The following EYA2 variants were observed in gnomAD, a reference collection of about 807,000 sequenced individuals.
The protein encoded by EYA2 is protein phosphatase EYA2.
EYA2 carries 31 observed loss-of-function variants against 69.2 expected under a neutral mutation model. That is an observed-to-expected ratio of 0.45 (90% CI 0.34 to 0.60). The LOEUF is 0.60. Ranked by LOEUF, EYA2 falls within the 20% of genes least tolerant of loss-of-function variation. The pLI is 0.02. For missense variants in EYA2, 622 were observed against 701.2 expected (o/e 0.89, Z 1.28); for synonymous variants, 257 against 279.4 (o/e 0.92, Z 0.80).
At chr20:47,009,288 A>G (rs1218992418) in intron 4 of EYA2, among the ~76,000 whole-genome samples, 1 of 152,248 alleles carries the variant, frequency 6.6e-6, no homozygotes, top group African/African-American at 2.4e-5. Flanking sequence ...GTGCCTGAGC[A>G]AGCTGTGTTT....
In EYA2 at chr20:46,979,081, G is replaced by A. The variant is rs1980645773; in HGVS notation, c.-10-10920G>A. Among the ~76,000 whole-genome samples the A allele has an allele frequency of 3.9e-5, 6 of 152,334 alleles. No homozygotes were observed. The South Asian group carries it at 1.2e-3, about 32-fold the overall frequency. On this transcript the variant is annotated intron_variant, in intron 1 of 15. Transcript: ENST00000327619. Reference sequence around the variant, plus strand: ...GATGCTGGGAGTGACCCTCTCCAAAGTCCCCTTAGCCGACTGGCCATCTGT... The same window carrying A: ...GATGCTGGGAGTGACCCTCTCCAAAATCCCCTTAGCCGACTGGCCATCTGT...
chr20:47,120,825 G>T (rs2033025583), intron 9 of EYA2, among the ~76,000 whole-genome samples: 1 of 152,172 alleles, frequency 6.6e-6, no homozygotes, highest in Admixed American at 6.5e-5. Flanking sequence ...TTTTTACTTG[G>T]AAATTCAGAT....
At chr20:46,899,341 A>G (rs1047459725) in intron 1 of EYA2, among the ~76,000 whole-genome samples, 1 of 152,254 alleles carries the variant, frequency 6.6e-6, no homozygotes, top group African/African-American at 2.4e-5. Flanking sequence ...GTCGTTTGAA[A>G]TGGGGAAACA....
chr20:47,112,010 G>A (rs2032759014), intron 9 of EYA2, among the ~76,000 whole-genome samples: 1 of 152,082 alleles, frequency 6.6e-6, no homozygotes, highest in African/African-American at 2.4e-5. Context: ...GCGTGGTGGT[G>A]TGCACCTGTA....
In EYA2 at chr20:46,947,018, G is replaced by T. The variant is rs183432859; in HGVS notation, c.-10-42983G>T. Among the ~76,000 whole-genome samples the T allele has an allele frequency of 4.1e-4, 63 of 152,276 alleles. 1 individual carries two copies. The highest frequency in any genetic ancestry group is 4.1e-3 in the Admixed American group (63 of 15,302). ...ACCCATTCATTCTGTGTTATCTATGGCTGCTTTCCCACTACAACAGCAGAG... is the reference window on the plus strand; with the variant it reads ...ACCCATTCATTCTGTGTTATCTATGTCTGCTTTCCCACTACAACAGCAGAG... On this transcript the variant is annotated intron_variant, in intron 1 of 15. Transcript: ENST00000327619.
At chr20:47,168,213 A>G (rs2034245386) in intron 10 of EYA2, among the ~76,000 whole-genome samples, 1 of 149,606 alleles carries the variant, frequency 6.7e-6, no homozygotes, top group Admixed American at 6.6e-5. Flanking sequence ...TTTTTTTGAG[A>G]CAGAGTCTTG....
At chr20:46,948,566 A>G (rs994876937) in intron 1 of EYA2, among the ~76,000 whole-genome samples, 2 of 152,200 alleles carry the variant, frequency 1.3e-5, no homozygotes, top group African/African-American at 4.8e-5. Flanking sequence ...TGCCCAGTAC[A>G]GGGTTAGTGC....
At chr20:47,050,426 A>G (rs183485013) in intron 5 of EYA2, among the ~76,000 whole-genome samples, 7 of 152,340 alleles carry the variant, frequency 4.6e-5, no homozygotes, top group African/African-American at 1.7e-4. Context: ...AGAAGGCTTA[A>G]AAACACCCAC....
Position 47,089,361 on chromosome 20 carries a change from G to A in EYA2, c.784G>A (p.Ala262Thr), listed in dbSNP as rs753782099. Reference protein sequence around the residue: ...RSKRSSDPSPAGDNEIERVFV... With the variant: ...RSKRSSDPSPTGDNEIERVFV... ...TAAGAGGAGCAGTGACCCGTCCCCG[G>A]CAGGGGACAATGAGATTGAGGTAAT... Residue 262 changes from alanine to threonine, a missense_variant, in exon 8 of 16, where the codon GCA becomes ACA. Around this residue, in one of 2 missense-constraint regions of EYA2, gnomAD observed 365 missense variants for 349.7 expected, o/e 1.04. Coordinates refer to ENST00000327619, the MANE Select transcript of EYA2 (RefSeq NM_005244.5). The A allele has an allele frequency of 1.2e-6, 2 of 1,613,948 alleles. No individual in the cohort carries two copies. The highest frequency in any genetic ancestry group is 1.7e-6 in the Non-Finnish European group (2 of 1,179,922).
In EYA2 at chr20:47,114,196, G is replaced by T. The variant is rs993983286; in HGVS notation, c.888+17028G>T. On this transcript the variant is annotated intron_variant, in intron 9 of 15. Coordinates refer to ENST00000327619, the MANE Select transcript of EYA2 (RefSeq NM_005244.5). ...AGGTGAATGCCCATGTCACAGATGA[G>T]AACCCTGAGGCTCACCTCGCTGAAG... Among the ~76,000 whole-genome samples, 24 of 152,234 alleles carry T rather than the reference G, an allele frequency of 1.6e-4. 1 individual carries two copies. Among genetic ancestry groups the T allele is most frequent in the Admixed American group, 6.5e-5 (1 of 15,286 alleles).
intron 9 of EYA2, among the ~76,000 whole-genome samples, chr20:47,097,983 G>A (rs184741570): frequency 9.2e-4 from 140 of 152,242 alleles, no homozygotes; most frequent in South Asian, 1.7e-3. Flanking sequence ...ACTTGCCAGC[G>A]CCTGGAAAAT....
intron 5 of EYA2, among the ~76,000 whole-genome samples, chr20:47,037,040 A>C (rs879713169): frequency 3.9e-5 from 6 of 152,198 alleles, no homozygotes; most frequent in Admixed American, 6.5e-5. Context: ...GGAAACTTAC[A>C]ATGATGGTGG....
intron 9 of EYA2, chr20:47,117,509 C>T (rs552906487): frequency 5.2e-5 from 51 of 985,412 alleles, no homozygotes; most frequent in South Asian, 1.9e-4. Flanking sequence ...CCGATTCCTC[C>T]GCGGGTGTTA....
At chr20:47,174,240 A>G (rs1270907652) in intron 12 of EYA2, among the ~76,000 whole-genome samples, 1 of 152,246 alleles carries the variant, frequency 6.6e-6, no homozygotes, top group African/African-American at 2.4e-5. Flanking sequence ...GAAAGAATAG[A>G]GTCCCGGTTC....
intron 9 of EYA2, among the ~76,000 whole-genome samples, chr20:47,099,033 A>T (rs2032348298): frequency 6.6e-6 from 1 of 152,236 alleles, no homozygotes; most frequent in African/African-American, 2.4e-5. Flanking sequence ...AATCCCAGGA[A>T]GTAGTGGGGA....
At chr20:47,072,012 C>T in intron 5 of EYA2, 173 bp from the exon 6 acceptor site, 1 of 660,592 alleles carries the variant, frequency 1.5e-6, no homozygotes, top group South Asian at 1.8e-5. Flanking sequence ...ACAAGTCTCA[C>T]CTGGGTTGCT....
intron 14 of EYA2, 62 bp downstream of exon 14, chr20:47,180,998 C>G: frequency 6.3e-7 from 1 of 1,581,670 alleles, no homozygotes; most frequent in Non-Finnish European, 8.6e-7. Context: ...GCTTTCCATC[C>G]TGGGAATGGG....
Position 46,990,041 on chromosome 20 carries a change from A to G in EYA2, c.31A>G (p.Thr11Ala), listed in dbSNP as rs753495514. ...AGAACTAGTGATCTCACCCAGCCTC[A>G]CTGTAAACAGCGATTGTCTGGATAA... MVELVISPSL[T>A]VNSDCLDKLK... Residue 11 changes from threonine to alanine, a missense_variant, in exon 2 of 16, where the codon ACT becomes GCT. This residue lies in a region of EYA2 where 365 missense variants were observed against 349.7 expected (regional missense o/e 1.04). Transcript: ENST00000327619. 3.1e-6 allele frequency: 5 copies of G among 1,610,908 alleles called. No homozygotes were observed. The highest frequency in any genetic ancestry group is 4.2e-6 in the Non-Finnish European group (5 of 1,177,094).
chr20:47,111,886 T>C (rs1173439840), intron 9 of EYA2, among the ~76,000 whole-genome samples: 1 of 152,198 alleles, frequency 6.6e-6, no homozygotes, highest in African/African-American at 2.4e-5. Flanking sequence ...CCATTCACTT[T>C]TGAGAAGCCG....
Sources: allele counts gnomAD v4.1 joint callset (sites outside exome capture counted in the v4.1 genomes callset), GRCh38; gene constraint gnomAD v4.1.1; regional missense constraint gnomAD v4.1.1; transcripts MANE v1.5; gene names NCBI Gene and HGNC (gene_info 2026-07-23, HGNC 2026-07-21).